The following WDPCP variants were observed in gnomAD, a reference collection of about 807,000 sequenced individuals.
WDPCP encodes WD repeat-containing and planar cell polarity effector protein fritz homolog.
A neutral mutation model predicts 93.1 loss-of-function variants in WDPCP; 71 were observed. The observed-to-expected ratio is 0.76, with a 90% CI of 0.63 to 0.93. The LOEUF (loss-of-function observed/expected upper bound fraction) is 0.93, where lower values mean the gene tolerates loss of function less well. WDPCP is among the 40% of genes least tolerant of loss of function. The pLI is 0.00. For synonymous variants in WDPCP, 315 were observed against 315.0 expected, an observed-to-expected ratio of 1.00 and a Z score of 0.00; for missense variants, 844 against 887.4, an observed-to-expected ratio of 0.95 and a Z score of 0.62.
intron 2 of WDPCP, among the ~76,000 whole-genome samples, chr2:63,740,882 A>G (rs1247708860): frequency 3.3e-5 from 5 of 152,184 alleles, no homozygotes; most frequent in Non-Finnish European, 7.4e-5. Flanking sequence ...GTATAAAAAC[A>G]TAGTTCTTTC....
At chr2:63,392,530 A>G (rs1333296450) in intron 10 of WDPCP, among the ~76,000 whole-genome samples, 3 of 152,226 alleles carry the variant, frequency 2.0e-5, no homozygotes, top group African/African-American at 7.2e-5. Flanking sequence ...GCCAAAATTG[A>G]CAAATGGGAT....
chr2:63,722,657 T>TGGGG (rs540659527), intron 2 of WDPCP, among the ~76,000 whole-genome samples: 1 of 72,976 alleles, frequency 1.4e-5, no homozygotes, highest in African/African-American at 5.3e-5. Context: ...GGGAGGGAGG[T>TGGGG]GGGGGGGGGT....
intron 17 of WDPCP, among the ~76,000 whole-genome samples, chr2:63,125,693 C>T (rs571046873): frequency 5.6e-4 from 85 of 151,782 alleles, no homozygotes; most frequent in African/African-American, 1.4e-3. Context: ...CTGCAACCTC[C>T]GCTTCCCGGG....
At chr2:63,766,397 A>G (rs977942348) in intron 2 of WDPCP, among the ~76,000 whole-genome samples, 2 of 151,692 alleles carry the variant, frequency 1.3e-5, no homozygotes, top group Non-Finnish European at 2.9e-5. Context: ...TGGCATGATC[A>G]TAACTTACTG....
At chr2:63,197,119 C>T (rs983691794) in intron 14 of WDPCP, among the ~76,000 whole-genome samples, 18 of 152,234 alleles carry the variant, frequency 1.2e-4, no homozygotes, top group Admixed American at 3.9e-4. Flanking sequence ...TGTATTCTGC[C>T]TCTGCCACCC....
intron 2 of WDPCP, among the ~76,000 whole-genome samples, chr2:63,811,065 G>C (rs1558916756): frequency 6.6e-6 from 1 of 152,040 alleles, no homozygotes; most frequent in African/African-American, 2.4e-5. Context: ...TTGTTTTTTT[G>C]GTTTGTTTGT....
intron 3 of WDPCP, chr2:63,605,407 G>C: frequency 6.5e-7 from 1 of 1,531,034 alleles, no homozygotes; most frequent in African/African-American, 1.4e-5. Context: ...AGGATTTAGT[G>C]ATTTGCACAG....
chr2:63,142,799 G>T (rs1028431891), intron 17 of WDPCP, among the ~76,000 whole-genome samples: 1 of 151,012 alleles, frequency 6.6e-6, no homozygotes, highest in African/African-American at 2.4e-5. Context: ...ATATAAATTT[G>T]GGAGCTGCAG....
intron 1 of WDPCP, among the ~76,000 whole-genome samples, chr2:63,513,632 C>T (rs1702375154): frequency 6.6e-6 from 1 of 152,166 alleles, no homozygotes; most frequent in South Asian, 2.1e-4. Context: ...AGAAAGGTTA[C>T]TATCTCCTTT....
At chr2:63,260,576 A>C (rs1681538326) in intron 13 of WDPCP, among the ~76,000 whole-genome samples, 1 of 152,182 alleles carries the variant, frequency 6.6e-6, no homozygotes, top group African/African-American at 2.4e-5. Flanking sequence ...TTTGAGACAG[A>C]GTCTCACTCT....
At chr2:63,809,387 A>G (rs914110318) in intron 2 of WDPCP, among the ~76,000 whole-genome samples, 39 of 151,948 alleles carry the variant, frequency 2.6e-4, no homozygotes, top group African/African-American at 7.2e-4. Flanking sequence ...CCCTCTGCCC[A>G]GCCACCACCC....
intron 2 of WDPCP, among the ~76,000 whole-genome samples, chr2:63,766,723 A>G (rs1670146276): frequency 6.6e-6 from 1 of 150,906 alleles, no homozygotes; most frequent in Admixed American, 6.6e-5. Context: ...TCACTCTCAA[A>G]AGACTCTTCT....
intron 13 of WDPCP, among the ~76,000 whole-genome samples, chr2:63,283,055 G>A (rs1683691841): frequency 6.6e-6 from 1 of 152,144 alleles, no homozygotes; most frequent in South Asian, 2.1e-4. Flanking sequence ...CATGGTTGGT[G>A]GAATCCATGG....
intron 13 of WDPCP, among the ~76,000 whole-genome samples, chr2:63,283,821 T>C (rs1475483930): frequency 3.9e-5 from 6 of 152,240 alleles, no homozygotes; most frequent in Non-Finnish European, 5.9e-5. Flanking sequence ...CAGTGCTGTA[T>C]ATTATGACCA....
intron 13 of WDPCP, among the ~76,000 whole-genome samples, chr2:63,274,740 C>T (rs1013451623): frequency 6.6e-6 from 1 of 152,030 alleles, no homozygotes; most frequent in Non-Finnish European, 1.5e-5. Context: ...ATACAACCTA[C>T]CAAGATTATA....
intron 1 of WDPCP, among the ~76,000 whole-genome samples, chr2:63,505,981 C>T (rs1701844817): frequency 6.6e-6 from 1 of 151,898 alleles, no homozygotes. Flanking sequence ...GAATTTAGTA[C>T]AAAGAAGAGA....
chr2:63,242,666 TG>T (rs1168463441), intron 14 of WDPCP, among the ~76,000 whole-genome samples: 2 of 152,124 alleles, frequency 1.3e-5, no homozygotes, highest in African/African-American at 4.8e-5. Context: ...GTGTAACAGA[TG>T]AACTGCTAGC....
At chr2:63,585,836 T>A (rs1279587300) in intron 1 of WDPCP, among the ~76,000 whole-genome samples, 2 of 9,296 alleles carry the variant, frequency 2.2e-4, no homozygotes, top group African/African-American at 6.8e-4. Context: ...AATAATTTTC[T>A]TTTTTTTTTT....
intron 12 of WDPCP, among the ~76,000 whole-genome samples, chr2:63,348,793 G>C (rs368936346): frequency 6.6e-6 from 1 of 152,192 alleles, no homozygotes; most frequent in South Asian, 2.1e-4. Context: ...TGAGTAAAAA[G>C]ATAAGGCCCA....
Sources: allele counts gnomAD v4.1 joint callset (sites outside exome capture counted in the v4.1 genomes callset), GRCh38; gene constraint gnomAD v4.1.1; transcripts MANE v1.5; gene names NCBI Gene and HGNC (gene_info 2026-07-23, HGNC 2026-07-21).